Variants in FPR1 observed in about 807,000 individuals in gnomAD.
FPR1 encodes the protein N-formyl peptide receptor 1.
For missense variants in FPR1, 407 were observed against 453.0 expected (o/e 0.90, Z 0.92); for synonymous variants, 193 against 176.7 (o/e 1.09, Z -0.73).
At position 51,745,897 on chromosome 19, in the gene FPR1, A is replaced by G; in HGVS notation, c.*45T>C. On this transcript the variant is annotated 3_prime_UTR_variant, in exon 2 of 2. Coordinates refer to ENST00000304748, the MANE Select transcript of FPR1 (RefSeq NM_002029.4). Reference sequence around the variant, plus strand: ...GTGGCTCAGCCTAACTCAAGGTGAGACGAAGCTGGAGCTGGGAGCTCGAAA... The same window carrying G: ...GTGGCTCAGCCTAACTCAAGGTGAGGCGAAGCTGGAGCTGGGAGCTCGAAA... 2.0e-6 allele frequency: 3 copies of G among 1,524,656 alleles called. No individual in the cohort carries two copies. Among genetic ancestry groups the G allele is most frequent in the Non-Finnish European group, 2.7e-6 (3 of 1,107,238 alleles). The allele number at this position is 1,524,656 out of a possible 1,614,324, so 94.4% of individuals were successfully genotyped here.
In FPR1 at chr19:51,749,176, T is replaced by C. The variant is rs146096823; in HGVS notation, c.-11-2171A>G. ...GTTGCAGTGAGCAGAGACTGCGCCA[T>C]TGCACTCCAGCCTGGGCGACAGAGC... On this transcript the variant is annotated intron_variant, in intron 1 of 1. Transcript: ENST00000304748. Among the ~76,000 whole-genome samples the C allele has an allele frequency of 3.3e-3, 505 of 151,230 alleles. 3 individuals are homozygous for C. The highest frequency in any genetic ancestry group is 0.01 in the Middle Eastern group (3 of 294).
rs17849971 is a variant in FPR1, at chr19:51,746,002, G to A, written c.993C>T (p.Thr331=). 44,006 of 1,614,118 alleles carry A rather than the reference G, an allele frequency of 0.027. 776 individuals are homozygous for A. The highest frequency in any genetic ancestry group is 0.032 in the Non-Finnish European group (37,828 of 1,180,000). The part of the protein sequence containing the change: ...ERALTEDSTQ[T]SDTATNSTLP... The stretch of plus-strand genomic sequence containing the variant: ...AAGTAGAATTGGTAGCTGTGTCACT[G>A]GTTTGGGTTGAGTCCTCGGTCAGGG... The change falls in exon 2 of 2, where the codon ACC becomes ACT. Residue 331 remains threonine (T), a synonymous_variant. Coordinates refer to ENST00000304748, the MANE Select transcript of FPR1 (RefSeq NM_002029.4). This position sits in a 1 kb window ranked among gnomAD's most constrained non-coding sequence, Gnocchi z 4.3.
chr19:51,746,699 T>C lies in FPR1; in HGVS notation c.296A>G (p.Lys99Arg). ...GATGTCCACTATGGTAAAGACGAAT[T>C]TGCACAGGAACCAGCCGAAAGGCCA... ...GHWPFGWFLC[K>R]FVFTIVDINL... Residue 99 changes from lysine to arginine, a missense_variant, in exon 2 of 2, where the codon AAA (lysine) becomes AGA (arginine). Coordinates refer to ENST00000304748, the MANE Select transcript of FPR1 (RefSeq NM_002029.4). This position sits in a 1 kb window ranked among gnomAD's most constrained non-coding sequence, Gnocchi z 4.3. 6.2e-7 allele frequency: 1 copy of C among 1,614,032 alleles called. No homozygotes were observed. Among genetic ancestry groups the C allele is most frequent in the Non-Finnish European group, 8.5e-7 (1 of 1,179,982 alleles).
In FPR1 at chr19:51,746,500, A is replaced by G. The variant is rs759532140; in HGVS notation, c.495T>C (p.Thr165=). ...LLTLPVIIRV[T]TVPGKTGTVA... is the part of the protein sequence containing the mutation. ...CTGTCCCCGTTTTACCAGGTACTGT[A>G]GTCACACGAATGATAACTGGCAATG... Residue 165 remains threonine (T), a synonymous_variant, in exon 2 of 2, where the codon ACT becomes ACC. Transcript: ENST00000304748. This position sits in a 1 kb window ranked among gnomAD's most constrained non-coding sequence, Gnocchi z 4.3. The G allele has an allele frequency of 1.9e-6, 3 of 1,614,180 alleles. No homozygotes were observed. The highest frequency in any genetic ancestry group is 4.5e-5 in the East Asian group (2 of 44,878).
At chr19:51,750,594 A>T (rs2083774385) in intron 1 of FPR1, 1 of 152,180 alleles carries the variant, frequency 6.6e-6, no homozygotes, top group African/African-American at 2.4e-5. Context: ...CTCTAAGGCA[A>T]CCAGTTCAGA....
chr19:51,750,407 G>C (rs549393035), intron 1 of FPR1, among the ~76,000 whole-genome samples: 1 of 152,098 alleles, frequency 6.6e-6, no homozygotes, highest in Non-Finnish European at 1.5e-5. Flanking sequence ...AATTAAGTTC[G>C]CATGTTTCTC....
At chr19:51,751,528 G>A (rs951695122) in intron 1 of FPR1, among the ~76,000 whole-genome samples, 1 of 151,896 alleles carries the variant, frequency 6.6e-6, no homozygotes, top group African/African-American at 2.4e-5. Flanking sequence ...AATTACAGAC[G>A]CCCACCACCA....
chr19:51,749,260 C>T (rs929679993), intron 1 of FPR1, among the ~76,000 whole-genome samples: 10 of 152,044 alleles, frequency 6.6e-5, no homozygotes, highest in African/African-American at 2.4e-4. Flanking sequence ...AAATTCTGCT[C>T]GCTCTCTCTC....
At chr19:51,747,532 T>C (rs1275620948) in intron 1 of FPR1, among the ~76,000 whole-genome samples, 1 of 152,192 alleles carries the variant, frequency 6.6e-6, no homozygotes, top group Non-Finnish European at 1.5e-5. Context: ...TTGCATCTTA[T>C]GACACATCCT....
chr19:51,751,245 T>C (rs976065741), intron 1 of FPR1, among the ~76,000 whole-genome samples: 2 of 152,058 alleles, frequency 1.3e-5, no homozygotes, highest in Non-Finnish European at 2.9e-5. Context: ...ACTGGTCCCA[T>C]AAAACTCATT....
intron 1 of FPR1, among the ~76,000 whole-genome samples, chr19:51,748,524 G>C (rs1307408059): frequency 6.6e-6 from 1 of 152,176 alleles, no homozygotes; most frequent in Non-Finnish European, 1.5e-5. Context: ...GCAGTGGTGC[G>C]ATCTTGGCTC....
In FPR1 at chr19:51,746,906, T is replaced by G. The variant is rs2083751479; in HGVS notation, c.89A>C (p.Tyr30Ser). Residue 30 changes from tyrosine to serine, a missense_variant, in exon 2 of 2, where the codon TAT (tyrosine) becomes TCT (serine). Tyr to Ser is a moderately radical substitution (Grantham distance 144, BLOSUM62 -2). Coordinates refer to ENST00000304748, the MANE Select transcript of FPR1 (RefSeq NM_002029.4). The surrounding 1 kb of genome is among the most constrained non-coding windows in gnomAD (Gnocchi z 4.3). ...GACAAAGGTGACTGCAAATACCAGA[T>G]AAGTGATGATATCCAGGAAGAGATA... ...AGYLFLDIIT[Y>S]LVFAVTFVLG... The G allele has an allele frequency of 6.2e-7, 1 of 1,613,832 alleles. No homozygotes were observed. The highest frequency in any genetic ancestry group is 1.3e-5 in the African/African-American group (1 of 74,838).
At chr19:51,747,221 CTT>C (rs55849683) in intron 1 of FPR1, among the ~76,000 whole-genome samples, 179 of 141,472 alleles carry the variant, frequency 1.3e-3, no homozygotes, top group African/African-American at 2.5e-3. Flanking sequence ...AAGATTACAT[CTT>C]TTTTTTTTTT....
rs765164623 is a variant in FPR1 at position 51,746,361 on chromosome 19, C to T, written c.634G>A (p.Ala212Thr). 4.8e-5 allele frequency: 78 copies of T among 1,614,134 alleles called. No homozygotes were observed. The East Asian group carries it at 1.1e-3, about 23-fold the overall frequency. ...GIIRFIIGFS[A>T]PMSIVAVSYG... ...CTGACAGCAACGATGGACATGGGTGCGCTGAAGCCAATGATGAACCGGATG... is the reference window on the plus strand; with the variant it reads ...CTGACAGCAACGATGGACATGGGTGTGCTGAAGCCAATGATGAACCGGATG... Residue 212 changes from alanine to threonine, a missense_variant, in exon 2 of 2, where the codon GCA (alanine) becomes ACA (threonine). By Grantham distance (58) the Ala-to-Thr change is moderately conservative (BLOSUM62 0). Coordinates refer to ENST00000304748, the MANE Select transcript of FPR1 (RefSeq NM_002029.4). The surrounding 1 kb of genome is among the most constrained non-coding windows in gnomAD (Gnocchi z 4.3).
At chr19:51,745,662 A>C, downstream of FPR1, 2 of 381,252 alleles carry the variant, frequency 5.2e-6, no homozygotes, top group Non-Finnish European at 9.7e-6. Context: ...AATAATGGGT[A>C]TTATTTGGGT....
At position 51,750,482 on chromosome 19, in the gene FPR1, A is replaced by G. The variant is rs74708043; in HGVS notation, c.-12+1332T>C. Among the ~76,000 whole-genome samples the G allele has an allele frequency of 4.6e-5, 7 of 152,276 alleles. No homozygotes were observed. In the East Asian group the frequency reaches 1.4e-3, roughly 29 times the overall value. ...CATATGTGTCTCACATTTCTAATGA[A>G]CTTTGATACTCTACAATCTCAGAAA... On this transcript the variant is annotated intron_variant, in intron 1 of 1. Coordinates refer to ENST00000304748, the MANE Select transcript of FPR1 (RefSeq NM_002029.4).
In FPR1 at chr19:51,746,154, T is replaced by C; in HGVS notation, c.841A>G (p.Ile281Val). The C allele has an allele frequency of 3.1e-6, 5 of 1,614,192 alleles. No homozygotes were observed. The highest frequency in any genetic ancestry group is 4.2e-6 in the Non-Finnish European group (5 of 1,180,042). The change falls in exon 2 of 2, where the codon ATT becomes GTT. Residue 281 changes from isoleucine to valine, a missense_variant. Physicochemically the swap from Ile to Val is conservative, Grantham distance 29. Transcript: ENST00000304748. This position sits in a 1 kb window ranked among gnomAD's most constrained non-coding sequence, Gnocchi z 4.3. The stretch of plus-strand genomic sequence containing the variant: ...AGGGCACTTGTCACATCCACTGCAA[T>C]ACCAATTTCTTTGTACATGCCTTGC... The part of the protein sequence containing the change: ...LLQGMYKEIG[I>V]AVDVTSALAF...
intron 1 of FPR1, among the ~76,000 whole-genome samples, chr19:51,748,008 C>T (rs2083759059): frequency 6.6e-6 from 1 of 152,080 alleles, no homozygotes; most frequent in Non-Finnish European, 1.5e-5. Context: ...ATTAAATTAG[C>T]TGGATGTGGT....
At chr19:51,747,050 T>A in intron 1 of FPR1, 45 bp from the exon 2 acceptor site, 1 of 1,365,288 alleles carries the variant, frequency 7.3e-7, no homozygotes, top group Non-Finnish European at 1.0e-6. Context: ...TGAACCTCCG[T>A]ACCATTTCCC....
Sources: allele counts gnomAD v4.1 joint callset (sites outside exome capture counted in the v4.1 genomes callset), GRCh38; gene constraint gnomAD v4.1.1; non-coding constraint Gnocchi (gnomAD v3.1); transcripts MANE v1.5; gene names NCBI Gene and HGNC (gene_info 2026-07-23, HGNC 2026-07-21).